Variants in GBE1 observed in about 807,000 individuals in gnomAD.
The protein encoded by GBE1 is 1,4-alpha-glucan-branching enzyme.
GBE1 carries 70 observed loss-of-function variants against 88.8 expected under a neutral mutation model. That is an observed-to-expected ratio of 0.79 (90% CI 0.65 to 0.96). The LOEUF (loss-of-function observed/expected upper bound fraction) is 0.96. Among genes scored for constraint, GBE1 ranks in the 40% least tolerant of loss-of-function variants. The pLI is 0.00. For synonymous variants in GBE1, 284 were observed against 300.1 expected (o/e 0.95, Z 0.56); for missense variants, 872 against 871.0 (o/e 1.00, Z -0.01).
chr3:81,618,131 G>A (rs1704275501), intron 7 of GBE1, among the ~76,000 whole-genome samples: 1 of 151,912 alleles, frequency 6.6e-6, no homozygotes, highest in Non-Finnish European at 1.5e-5. Context: ...CCATTTCATA[G>A]AATGTCCATT....
intron 1 of GBE1, among the ~76,000 whole-genome samples, chr3:81,706,716 C>T (rs559388017): frequency 2.0e-5 from 3 of 152,012 alleles, no homozygotes; most frequent in Non-Finnish European, 1.5e-5. Flanking sequence ...TTTACAAATA[C>T]TTCACATTAT....
chr3:81,519,776 A>T (rs572019078), intron 14 of GBE1, among the ~76,000 whole-genome samples: 1 of 151,582 alleles, frequency 6.6e-6, no homozygotes, highest in Non-Finnish European at 1.5e-5. Flanking sequence ...GATGGCAAAC[A>T]AGATCACCAA....
chr3:81,750,958 G>A (rs545608976), intron 1 of GBE1, among the ~76,000 whole-genome samples: 21 of 151,526 alleles, frequency 1.4e-4, no homozygotes, highest in African/African-American at 4.4e-4. Context: ...GATTACAGGC[G>A]TCAGCCACTG....
intron 12 of GBE1, among the ~76,000 whole-genome samples, chr3:81,545,604 T>G (rs1056743122): frequency 7.7e-6 from 1 of 129,358 alleles, no homozygotes; most frequent in Admixed American, 7.7e-5. Flanking sequence ...TCTTTGTTGA[T>G]ATCAAGCATA....
intron 7 of GBE1, among the ~76,000 whole-genome samples, chr3:81,604,507 G>A (rs1164303096): frequency 6.6e-6 from 1 of 151,798 alleles, no homozygotes; most frequent in Non-Finnish European, 1.5e-5. Flanking sequence ...GCCTGGTCTT[G>A]AACTCCTGGA....
chr3:81,560,979 C>A (rs1052528449), intron 12 of GBE1, among the ~76,000 whole-genome samples: 1 of 151,874 alleles, frequency 6.6e-6, no homozygotes, highest in Non-Finnish European at 1.5e-5. Context: ...ATAACTTATA[C>A]TTCTATGGGT....
chr3:81,755,970 C>T (rs183784021), intron 1 of GBE1, among the ~76,000 whole-genome samples: 12 of 151,996 alleles, frequency 7.9e-5, no homozygotes, highest in South Asian at 2.1e-4. Flanking sequence ...TGGTTGCTAA[C>T]GTACCAAATC....
intron 12 of GBE1, among the ~76,000 whole-genome samples, chr3:81,538,440 C>G (rs145863159): frequency 3.7e-3 from 558 of 152,022 alleles, no homozygotes; most frequent in African/African-American, 0.013. Context: ...AAACATTTTG[C>G]TCAATTCAAA....
rs1408850240 is a variant in GBE1 at position 81,521,497 on chromosome 3, A to T, written c.1934+13698T>A. 4.6e-5 allele frequency among the ~76,000 whole-genome samples: 7 copies of T among 151,614 alleles called. No individual in the cohort carries two copies. In the East Asian group the frequency reaches 1.2e-3, roughly 25 times the overall value. On this transcript the variant is annotated intron_variant, in intron 14 of 15. Transcript: ENST00000429644. ...TTTAATATTTTGTATATCTGAATTCATTCTATAATATTGAACTACACTGTA... is the reference window on the plus strand; with the variant it reads ...TTTAATATTTTGTATATCTGAATTCTTTCTATAATATTGAACTACACTGTA...
intron 3 of GBE1, among the ~76,000 whole-genome samples, chr3:81,653,810 C>T (rs575591149): frequency 2.6e-4 from 39 of 152,002 alleles, no homozygotes; most frequent in African/African-American, 9.4e-4. Flanking sequence ...AATATGGTTA[C>T]CTATGGGTAA....
intron 14 of GBE1, among the ~76,000 whole-genome samples, chr3:81,523,808 T>C (rs1197501381): frequency 6.6e-6 from 1 of 151,812 alleles, no homozygotes; most frequent in Non-Finnish European, 1.5e-5. Flanking sequence ...GTTCCATCCA[T>C]ATTGTTGCAA....
intron 2 of GBE1, among the ~76,000 whole-genome samples, chr3:81,671,680 A>G (rs528015048): frequency 6.6e-6 from 1 of 152,150 alleles, no homozygotes; most frequent in South Asian, 2.1e-4. Context: ...ATGGATTAAT[A>G]CTTATACATG....
chr3:81,696,777 G>C (rs913552406), intron 2 of GBE1, among the ~76,000 whole-genome samples: 6 of 151,988 alleles, frequency 3.9e-5, no homozygotes, highest in Admixed American at 3.3e-4. Flanking sequence ...CATAAATTTT[G>C]AACAAAATAT....
chr3:81,621,580 T>C (rs980718900), intron 7 of GBE1, among the ~76,000 whole-genome samples: 1 of 152,124 alleles, frequency 6.6e-6, no homozygotes, highest in African/African-American at 2.4e-5. Context: ...AACAGAAAAT[T>C]ACTCCTAACC....
At chr3:81,495,930 C>T (rs1185500024) in intron 15 of GBE1, among the ~76,000 whole-genome samples, 2 of 152,246 alleles carry the variant, frequency 1.3e-5, no homozygotes, top group East Asian at 3.9e-4. Context: ...TAGTGCTAAA[C>T]CTACTGCTTT....
chr3:81,563,745 T>C (rs1358501192), intron 12 of GBE1, among the ~76,000 whole-genome samples: 1 of 152,106 alleles, frequency 6.6e-6, no homozygotes, highest in Non-Finnish European at 1.5e-5. Context: ...TAAAAGTTTA[T>C]ATATTTCTAT....
At chr3:81,627,064 A>C (rs775682602) in intron 7 of GBE1, among the ~76,000 whole-genome samples, 1 of 152,148 alleles carries the variant, frequency 6.6e-6, no homozygotes, top group Non-Finnish European at 1.5e-5. Context: ...TGCCATTGTT[A>C]TTTCGTGAAT....
intron 8 of GBE1, among the ~76,000 whole-genome samples, chr3:81,591,917 T>G (rs962716547): frequency 6.6e-6 from 1 of 152,136 alleles, no homozygotes; most frequent in Non-Finnish European, 1.5e-5. Flanking sequence ...ATGGAAGTCT[T>G]ATACTTCAAG....
intron 3 of GBE1, 61 bp from the exon 4 acceptor site, chr3:81,649,982 T>C (rs139575798): frequency 5.1e-6 from 7 of 1,370,190 alleles, no homozygotes; most frequent in African/African-American, 4.3e-5. Context: ...TAATACATAA[T>C]GGTTTAGGAG....
Sources: allele counts gnomAD v4.1 joint callset (sites outside exome capture counted in the v4.1 genomes callset), GRCh38; gene constraint gnomAD v4.1.1; transcripts MANE v1.5; gene names NCBI Gene and HGNC (gene_info 2026-07-23, HGNC 2026-07-21).